Variants in SH2D4B observed in about 807,000 individuals in gnomAD.
SH2D4B encodes the protein SH2 domain containing 4B, also known as SH2 domain-containing protein 4B.
In SH2D4B, 45 loss-of-function variants were observed where a neutral mutation model predicts 61.5. That is an observed-to-expected ratio of 0.73 (90% CI 0.58 to 0.94). The LOEUF (loss-of-function observed/expected upper bound fraction) is 0.94. Ranked by LOEUF, SH2D4B falls within the 40% of genes least tolerant of loss-of-function variation. The pLI is 0.00. For synonymous variants in SH2D4B, 224 were observed against 220.4 expected, an observed-to-expected ratio of 1.02 and a Z score of -0.14; for missense variants, 572 against 574.2, an observed-to-expected ratio of 1.00 and a Z score of 0.04.
At chr10:80,594,287 A>G (rs1347992386) in intron 4 of SH2D4B, among the ~76,000 whole-genome samples, 2 of 152,198 alleles carry the variant, frequency 1.3e-5, no homozygotes. Context: ...GGTGCATTCC[A>G]TGGCTGAGTT....
At chr10:80,632,480 G>A (rs1364856088) in intron 6 of SH2D4B, among the ~76,000 whole-genome samples, 3 of 152,144 alleles carry the variant, frequency 2.0e-5, no homozygotes, top group Non-Finnish European at 4.4e-5. Flanking sequence ...TAATTTGACT[G>A]TAGTCTCCCA....
At chr10:80,597,671 TAAATAAAATA>T (rs58385156) in intron 4 of SH2D4B, among the ~76,000 whole-genome samples, 32 of 150,862 alleles carry the variant, frequency 2.1e-4, no homozygotes, top group South Asian at 8.4e-4. Flanking sequence ...ATCTCAAAAA[TAAATAAAATA>T]AAATAAAATA....
chr10:80,613,761 T>G (rs1180218158), intron 6 of SH2D4B, among the ~76,000 whole-genome samples: 2 of 152,226 alleles, frequency 1.3e-5, no homozygotes, highest in African/African-American at 4.8e-5. Context: ...AGCTTTCTTA[T>G]GAGATGCGAG....
intron 6 of SH2D4B, among the ~76,000 whole-genome samples, chr10:80,628,269 AT>A (rs149739028): frequency 0.03 from 4,633 of 152,234 alleles, 238 homozygotes; most frequent in African/African-American, 0.11. Context: ...GTGGGAGGTA[AT>A]TTGAGTAATG....
Position 80,538,553 on chromosome 10 carries a change from TCCCCCAGGAGGTAGAAAAATTA to T in SH2D4B, c.184+39_184+60del, listed in dbSNP as rs1841537447. ...GAGTCACAGAGAGGTAGGCCACCAGTCCCCCAGGAGGTAGAAAAATTAGCAGGGCCAGGCTGTGCCCTTCTTC... is the reference window on the plus strand; with the variant it reads ...GAGTCACAGAGAGGTAGGCCACCAGTGCAGGGCCAGGCTGTGCCCTTCTTC... On this transcript the variant is annotated intron_variant, in intron 1 of 7. Transcript: ENST00000646907. The surrounding 1 kb of genome is among the most constrained non-coding windows in gnomAD (Gnocchi z 4.8). 1.5e-6 allele frequency: 2 copies of T among 1,320,332 alleles called. No homozygotes were observed. Among genetic ancestry groups the T allele is most frequent in the Non-Finnish European group, 1.9e-6 (2 of 1,025,698 alleles). The allele number at this position is 1,320,332 out of a possible 1,614,324, so 81.8% of individuals were successfully genotyped here.
At chr10:80,585,672 C>T (rs1472728821) in intron 3 of SH2D4B, among the ~76,000 whole-genome samples, 1 of 152,162 alleles carries the variant, frequency 6.6e-6, no homozygotes, top group Non-Finnish European at 1.5e-5. Flanking sequence ...CTTTGTTCCA[C>T]GTATTTCTTT....
rs563156112 is a variant in SH2D4B, at chr10:80,634,210, G to A, written c.989-75G>A. ...CACTGAGCCACAGGGTGAGGGGCAG[G>A]GAGGAGTGGAGAATCGTGGGGGAGG... On this transcript the variant is annotated intron_variant, in intron 6 of 7. Coordinates refer to ENST00000646907, the MANE Select transcript of SH2D4B (RefSeq NM_001388272.1). 22 of 1,462,470 alleles carry A rather than the reference G, an allele frequency of 1.5e-5. No individual in the cohort carries two copies. The African/African-American group carries it at 2.7e-4, about 18-fold the overall frequency. 90.6% of individuals were successfully genotyped at this position (1,462,470 alleles called of 1,614,324 possible). A position where few individuals can be genotyped will look rare whatever the true frequency, so the allele number is the denominator to read the frequency against.
chr10:80,609,617 G>A (rs1842571064), intron 6 of SH2D4B, 66 bp downstream of exon 6: 1 of 1,608,772 alleles, frequency 6.2e-7, no homozygotes, highest in Non-Finnish European at 8.5e-7. Context: ...CTGGGGTTGG[G>A]GAGGGGTGCT....
chr10:80,643,793 A>C (rs1840347821), intron 7 of SH2D4B, among the ~76,000 whole-genome samples, 200 bp from the exon 8 acceptor site: 3 of 151,646 alleles, frequency 2.0e-5, no homozygotes, highest in African/African-American at 7.3e-5. Context: ...TCGATGACAA[A>C]GTTTTTTTTT....
chr10:80,609,328 C>T (rs570591226), intron 5 of SH2D4B, 96 bp from the exon 6 acceptor site: 299 of 1,013,978 alleles, frequency 2.9e-4, no homozygotes, highest in Admixed American at 2.9e-3. Flanking sequence ...CTTTTACCTT[C>T]CTCTCCCTTC....
chr10:80,603,629 G>T lies in SH2D4B; in HGVS notation c.694G>T (p.Ala232Ser), dbSNP rs768694588. ...DEERSRRAQR[A>S]RDEYRHHSLR... ...GGAGAGGAGCCGCCGAGCCCAGCGC[G>T]CCCGGGACGAGTACCGACACCACTC... The change falls in exon 5 of 8, where the codon GCC becomes TCC. Residue 232 changes from alanine to serine, a missense_variant. By Grantham distance (99) the Ala-to-Ser change is moderately conservative. Transcript: ENST00000646907. 2 of 1,592,094 alleles carry T rather than the reference G, an allele frequency of 1.3e-6. No homozygotes were observed. The highest frequency in any genetic ancestry group is 2.3e-5 in the East Asian group (1 of 43,928).
chr10:80,551,154 G>A lies in SH2D4B; in HGVS notation c.184+12639G>A, dbSNP rs180689559. Among the ~76,000 whole-genome samples the A allele has an allele frequency of 5.0e-3, 764 of 152,300 alleles. 7 individuals are homozygous for A. Among genetic ancestry groups the A allele is most frequent in the African/African-American group, 0.018 (728 of 41,560 alleles). On this transcript the variant is annotated intron_variant, in intron 1 of 7. Coordinates refer to ENST00000646907, the MANE Select transcript of SH2D4B (RefSeq NM_001388272.1). ...TGCAAGCTCTACCTCCCGGGCTCAC[G>A]CCATTCTCCTGCCTCAGCCTCCTGA...
intron 6 of SH2D4B, among the ~76,000 whole-genome samples, chr10:80,632,028 T>A (rs573015491): frequency 6.6e-6 from 1 of 152,238 alleles, no homozygotes; most frequent in Admixed American, 6.5e-5. Flanking sequence ...GCCTTGAACT[T>A]CTGGGCACAA....
intron 6 of SH2D4B, among the ~76,000 whole-genome samples, chr10:80,629,017 G>A (rs1269853639): frequency 4.3e-5 from 5 of 116,440 alleles, no homozygotes; most frequent in Admixed American, 1.7e-4. Flanking sequence ...GTGACAGAGC[G>A]AGACTCTATC....
chr10:80,618,733 T>A (rs1589359670), intron 6 of SH2D4B, among the ~76,000 whole-genome samples: 3 of 152,240 alleles, frequency 2.0e-5, no homozygotes, highest in African/African-American at 7.2e-5. Flanking sequence ...TCAGATAAAT[T>A]GAGGTCCATA....
chr10:80,567,438 C>A (rs1005242999), intron 1 of SH2D4B, among the ~76,000 whole-genome samples: 2 of 152,220 alleles, frequency 1.3e-5, no homozygotes, highest in South Asian at 2.1e-4. Flanking sequence ...ATAGGGGACA[C>A]CTTCAGGTCC....
intron 6 of SH2D4B, among the ~76,000 whole-genome samples, chr10:80,623,486 G>C (rs1193077335): frequency 1.3e-5 from 2 of 152,128 alleles, no homozygotes; most frequent in African/African-American, 2.4e-5. Context: ...CATTATGTTG[G>C]TGACTAAATG....
At chr10:80,634,968 C>T (rs948075008) in intron 7 of SH2D4B, among the ~76,000 whole-genome samples, 2 of 152,180 alleles carry the variant, frequency 1.3e-5, no homozygotes, top group South Asian at 4.1e-4. Context: ...GTTACCATGT[C>T]TCTTATTTGA....
Position 80,588,722 on chromosome 10 carries a change from G to A in SH2D4B, c.588G>A (p.Gln196=). Residue 196 remains glutamine (Q), a synonymous_variant, in exon 4 of 8, where the codon CAG becomes CAA. Transcript: ENST00000646907. Reference sequence around the variant, plus strand: ...AGGAGCTCTACTGGACCCTGAAGCAGGCTCAGCTGCATTGCCAAGCCAGTG... The same window carrying A: ...AGGAGCTCTACTGGACCCTGAAGCAAGCTCAGCTGCATTGCCAAGCCAGTG... ...RAKELYWTLK[Q]AQLHCQASEK... 1 of 1,614,140 alleles carries A rather than the reference G, an allele frequency of 6.2e-7. No individual in the cohort carries two copies.
Sources: gnomAD v4.1 joint callset for allele counts (sites outside exome capture counted in the v4.1 genomes callset) on GRCh38, gnomAD v4.1.1 for gene constraint, Gnocchi (gnomAD v3.1) non-coding constraint, MANE v1.5 for transcripts, NCBI Gene and HGNC (gene_info 2026-07-23, HGNC 2026-07-21) for gene names.